Variants in LMX1B observed in about 807,000 individuals in gnomAD.
LMX1B encodes LIM homeobox transcription factor 1-beta.
A neutral mutation model predicts 51.4 loss-of-function variants in LMX1B; 12 were observed. The observed-to-expected ratio is 0.23, with a 90% CI of 0.15 to 0.38. The LOEUF (loss-of-function observed/expected upper bound fraction) is 0.38, where lower values mean the gene tolerates loss of function less well. Ranked by LOEUF, LMX1B falls within the 10% of genes least tolerant of loss-of-function variation. The pLI is 1.00. For missense variants in LMX1B, 445 were observed against 571.1 expected, an observed-to-expected ratio of 0.78 and a Z score of 2.25; for synonymous variants, 237 against 235.4, an observed-to-expected ratio of 1.01 and a Z score of -0.06.
At chr9:126,636,925 G>A (rs1835723303) in intron 2 of LMX1B, among the ~76,000 whole-genome samples, 1 of 152,222 alleles carries the variant, frequency 6.6e-6, no homozygotes, top group Non-Finnish European at 1.5e-5. Context: ...ATGACAAGTG[G>A]TGAGGTGGCA....
intron 2 of LMX1B, among the ~76,000 whole-genome samples, chr9:126,678,001 T>G (rs1283328549): frequency 6.6e-6 from 1 of 152,106 alleles, no homozygotes; most frequent in East Asian, 1.9e-4. Flanking sequence ...TCAGGCTCAT[T>G]CAGAGGGTGA....
intron 2 of LMX1B, among the ~76,000 whole-genome samples, chr9:126,622,189 TCCTGGCTGATGGCAGAGCACCTGG>T (rs1439304828): frequency 6.6e-6 from 1 of 152,094 alleles, no homozygotes; most frequent in African/African-American, 2.4e-5. Context: ...TGGACGAATG[TCCTGGCTGATGGCAGAGCACCTGG>T]CTGGCCTTGG....
chr9:126,622,499 C>T (rs1004714173), intron 2 of LMX1B, among the ~76,000 whole-genome samples: 1 of 152,170 alleles, frequency 6.6e-6, no homozygotes, highest in African/African-American at 2.4e-5. Flanking sequence ...GCCAGGGGTC[C>T]CTCCCCCAAG....
rs1278347215 is a variant in LMX1B, at chr9:126,671,489, GC to G, written c.327-19345del. ...CTGCAGAGTGGCTGGGTAAATAGTC[GC>G]CGCAGTAATCGCAGGCTGATTCCAA... On this transcript the variant is annotated intron_variant, in intron 2 of 7. Transcript: ENST00000373474. This position sits in a 1 kb window ranked among gnomAD's most constrained non-coding sequence, Gnocchi z 4.4. Among the ~76,000 whole-genome samples, 1 of 152,028 alleles carries G rather than the reference GC, an allele frequency of 6.6e-6. No homozygotes were observed. Among genetic ancestry groups the G allele is most frequent in the East Asian group, 1.9e-4 (1 of 5,152 alleles).
intron 2 of LMX1B, among the ~76,000 whole-genome samples, chr9:126,689,395 C>A (rs1243655367): frequency 1.3e-5 from 2 of 152,234 alleles, no homozygotes; most frequent in Non-Finnish European, 2.9e-5. Flanking sequence ...CAGCTGTAAT[C>A]TGTGCCCGTG....
At chr9:126,689,679 G>A (rs1266469305) in intron 2 of LMX1B, among the ~76,000 whole-genome samples, 2 of 152,110 alleles carry the variant, frequency 1.3e-5, no homozygotes, top group Non-Finnish European at 2.9e-5. Flanking sequence ...GCTGACCAGG[G>A]CCCGGAGACC....
In LMX1B at chr9:126,671,809, C is replaced by T. The variant is rs1836465427; in HGVS notation, c.327-19027C>T. 6.6e-6 allele frequency among the ~76,000 whole-genome samples: 1 copy of T among 152,112 alleles called. No homozygotes were observed. Among genetic ancestry groups the T allele is most frequent in the African/African-American group, 2.4e-5 (1 of 41,432 alleles). On this transcript the variant is annotated intron_variant, in intron 2 of 7. Transcript: ENST00000373474. This position sits in a 1 kb window ranked among gnomAD's most constrained non-coding sequence, Gnocchi z 4.4. ...GCTCCCTCCAGGCCAGGGCAGCGGC[C>T]CCCCACAGCCCAGGCCCCCAGCGGC...
At chr9:126,690,728 C>A in intron 2 of LMX1B, 108 bp from the exon 3 acceptor site, 1 of 937,432 alleles carries the variant, frequency 1.1e-6, no homozygotes, top group Non-Finnish European at 1.7e-6. Flanking sequence ...CTCTCCCTCC[C>A]ACCTGGGCCT....
chr9:126,692,680 A>G (rs1396715915), intron 3 of LMX1B, among the ~76,000 whole-genome samples: 1 of 152,188 alleles, frequency 6.6e-6, no homozygotes, highest in Non-Finnish European at 1.5e-5. Context: ...TCTTGTGTGA[A>G]TATCTGTGGT....
chr9:126,646,343 TCCATCTACCTACCCATCC>T (rs1835900505), intron 2 of LMX1B, among the ~76,000 whole-genome samples: 1 of 112,722 alleles, frequency 8.9e-6, no homozygotes, highest in South Asian at 3.2e-4. Context: ...TACCCATCCA[TCCATCTACCTACCCATCC>T]ACCCATCTAT....
At chr9:126,663,958 C>A (rs1444772561) in intron 2 of LMX1B, among the ~76,000 whole-genome samples, 1 of 152,222 alleles carries the variant, frequency 6.6e-6, no homozygotes, top group African/African-American at 2.4e-5. Flanking sequence ...GTAGAAGTTG[C>A]TGCTCTTATC....
In LMX1B at chr9:126,696,445, C is replaced by T. The variant is rs1255120427; in HGVS notation, c.1203C>T (p.Ala401=). ...ACTCCATGCAGAGTTCCTACTTCGC[C>T]TCCTGAGAGCCAGCCAGGCGCACGG... ...RLYSMQSSYF[A]S Residue 401 remains alanine (A), a synonymous_variant, in exon 8 of 8, where the codon GCC becomes GCT. Transcript: ENST00000373474. The T allele has an allele frequency of 3.1e-6, 5 of 1,613,868 alleles. No individual in the cohort carries two copies. The highest frequency in any genetic ancestry group is 1.6e-4 in the Middle Eastern group (1 of 6,082).
At position 126,615,769 on chromosome 9, in the gene LMX1B, G is replaced by A. The variant is rs769312449; in HGVS notation, c.326+200G>A. On this transcript the variant is annotated intron_variant, in intron 2 of 7. Coordinates refer to ENST00000373474, the MANE Select transcript of LMX1B (RefSeq NM_001174147.2). The surrounding 1 kb of genome is among the most constrained non-coding windows in gnomAD (Gnocchi z 6.0). ...AGCGGGCACTGATGGGGTCCTGGGA[G>A]CCTCCGGACGGCCCCCAGTTGCCAT... Among the ~76,000 whole-genome samples the A allele has an allele frequency of 3.9e-5, 6 of 152,298 alleles. No individual in the cohort carries two copies. The South Asian group carries it at 1.0e-3, about 26-fold the overall frequency.
chr9:126,659,147 G>A (rs1442155820), intron 2 of LMX1B, among the ~76,000 whole-genome samples: 1 of 152,248 alleles, frequency 6.6e-6, no homozygotes, highest in Non-Finnish European at 1.5e-5. Flanking sequence ...GCCCCAGAAG[G>A]GCCCTGTCAC....
chr9:126,646,187 G>T (rs1286345688), intron 2 of LMX1B, among the ~76,000 whole-genome samples: 5 of 152,134 alleles, frequency 3.3e-5, no homozygotes, highest in African/African-American at 4.8e-5. Flanking sequence ...ATGTTGATAT[G>T]AAGTGACATG....
At chr9:126,682,554 C>A (rs928615351) in intron 2 of LMX1B, among the ~76,000 whole-genome samples, 1 of 152,204 alleles carries the variant, frequency 6.6e-6, no homozygotes, top group Non-Finnish European at 1.5e-5. Context: ...TCTCACTGCT[C>A]TAGCCCCGCC....
chr9:126,635,581 C>T (rs1835700282), intron 2 of LMX1B, among the ~76,000 whole-genome samples: 1 of 152,228 alleles, frequency 6.6e-6, no homozygotes, highest in Non-Finnish European at 1.5e-5. Flanking sequence ...CCATCATTTT[C>T]TGCCACTTAC....
chr9:126,648,636 T>C (rs999394625), intron 2 of LMX1B, among the ~76,000 whole-genome samples: 1 of 152,150 alleles, frequency 6.6e-6, no homozygotes, highest in African/African-American at 2.4e-5. Context: ...ATTGGGCATG[T>C]TGGTGGCACA....
At chr9:126,636,261 GC>G (rs1433384557) in intron 2 of LMX1B, among the ~76,000 whole-genome samples, 1 of 152,198 alleles carries the variant, frequency 6.6e-6, no homozygotes, top group African/African-American at 2.4e-5. Context: ...AGAACACAGG[GC>G]ATTGTGGTCC....
Sources: gnomAD v4.1 joint callset for allele counts (sites outside exome capture counted in the v4.1 genomes callset) on GRCh38, gnomAD v4.1.1 for gene constraint, Gnocchi (gnomAD v3.1) non-coding constraint, MANE v1.5 for transcripts, NCBI Gene and HGNC (gene_info 2026-07-23, HGNC 2026-07-21) for gene names.